The following ABL1 variants were observed in gnomAD, a reference collection of about 807,000 sequenced individuals.
ABL1 encodes the protein ABL proto-oncogene 1, non-receptor tyrosine kinase.
Under a neutral mutation model 94.7 loss-of-function variants are expected in ABL1, and 11 were observed. That is an observed-to-expected ratio of 0.12 (90% CI 0.07 to 0.19). The LOEUF (loss-of-function observed/expected upper bound fraction) is 0.19. Among genes scored for constraint, ABL1 ranks in the 10% least tolerant of loss-of-function variants. The pLI, the probability that ABL1 is intolerant of heterozygous loss-of-function variation, is 1.00. For missense variants in ABL1, 1,082 were observed against 1,489.4 expected, an observed-to-expected ratio of 0.73 and a Z score of 4.50; for synonymous variants, 656 against 622.4, an observed-to-expected ratio of 1.05 and a Z score of -0.80.
At chr9:130,816,698 G>A (rs898953849) in intron 1 of ABL1, among the ~76,000 whole-genome samples, 1 of 151,998 alleles carries the variant, frequency 6.6e-6, no homozygotes, top group African/African-American at 2.4e-5. Context: ...GGGGTAGCTG[G>A]TCCCAAGTAA....
In ABL1 at chr9:130,855,046, T is replaced by C; in HGVS notation, c.499T>C (p.Tyr167His). The C allele has an allele frequency of 1.9e-6, 3 of 1,614,146 alleles. No individual in the cohort carries two copies. In the South Asian group the frequency reaches 3.3e-5, roughly 18 times the overall value. The change falls in exon 3 of 11, where the codon TAC becomes CAC. Residue 167 changes from tyrosine to histidine, a missense_variant. Tyr to His is a moderately conservative substitution (Grantham distance 83). Coordinates refer to ENST00000318560, the MANE Select transcript of ABL1 (RefSeq NM_005157.6). ...TGGCCAGAGGTCCATCTCGCTGAGA[T>C]ACGAAGGGAGGGTGTACCATTACAG... The part of the protein sequence containing the change: ...SPGQRSISLR[Y>H]EGRVYHYRIN...
At chr9:130,713,566 A>G (rs1418987312) in exon 1 of ABL1, among the ~76,000 whole-genome samples, 1 of 152,188 alleles carries the variant, frequency 6.6e-6, no homozygotes, top group Non-Finnish European at 1.5e-5. Flanking sequence ...CTTGCTGTCA[A>G]GGGGTCTCCC....
chr9:130,864,115 G>A (rs370829031), intron 4 of ABL1, among the ~76,000 whole-genome samples: 4 of 152,304 alleles, frequency 2.6e-5, no homozygotes, highest in African/African-American at 9.6e-5. Flanking sequence ...ACATTCTTTA[G>A]TCCTAGAAAC....
chr9:130,777,319 T>C (rs1055769596), intron 1 of ABL1, among the ~76,000 whole-genome samples: 53 of 152,256 alleles, frequency 3.5e-4, no homozygotes, highest in African/African-American at 1.3e-3. Flanking sequence ...GGGTTGTCCA[T>C]TGGCTGGTTT....
intron 1 of ABL1, among the ~76,000 whole-genome samples, chr9:130,757,699 C>T (rs554921900): frequency 2.4e-4 from 37 of 151,798 alleles, no homozygotes; most frequent in Admixed American, 1.0e-3. Flanking sequence ...CCACCACGCC[C>T]GGCTAATTTT....
intron 1 of ABL1, among the ~76,000 whole-genome samples, chr9:130,795,438 G>A (rs1307027092): frequency 6.6e-6 from 1 of 152,154 alleles, no homozygotes; most frequent in Admixed American, 6.5e-5. Flanking sequence ...GTGCTCGCAC[G>A]ACAGATTAGA....
intron 1 of ABL1, among the ~76,000 whole-genome samples, chr9:130,725,319 A>G (rs1026167947): frequency 6.6e-6 from 1 of 152,128 alleles, no homozygotes; most frequent in Non-Finnish European, 1.5e-5. Context: ...ACTTCATATA[A>G]CTATAATAAT....
Position 130,884,587 on chromosome 9 carries a change from G to A in ABL1, c.2297G>A (p.Arg766Lys). 4 of 1,613,388 alleles carry A rather than the reference G, an allele frequency of 2.5e-6. No homozygotes were observed. The highest frequency in any genetic ancestry group is 3.4e-6 in the Non-Finnish European group (4 of 1,180,026). ...KSEKPALPRK[R>K]AGENRSDQVT... ...GAGAAGCCGGCTCTGCCTCGGAAGA[G>A]GGCAGGGGAGAACAGGTCTGACCAG... Residue 766 changes from arginine (R) to lysine (K), a missense_variant, in exon 11 of 11, where the codon AGG becomes AAG. Physicochemically the swap from Arg to Lys is conservative, Grantham distance 26. This residue lies in a region of ABL1 where 780 missense variants were observed against 835.8 expected (regional missense o/e 0.93). Transcript: ENST00000318560. This position sits in a 1 kb window ranked among gnomAD's most constrained non-coding sequence, Gnocchi z 5.6.
chr9:130,797,376 T>C (rs1486465446), intron 1 of ABL1, among the ~76,000 whole-genome samples: 1 of 152,104 alleles, frequency 6.6e-6, no homozygotes, highest in African/African-American at 2.4e-5. Context: ...ACTTTTTGTT[T>C]GTTTTGTTTT....
chr9:130,729,962 C>T (rs1359177110), intron 1 of ABL1, among the ~76,000 whole-genome samples: 1 of 151,202 alleles, frequency 6.6e-6, no homozygotes, highest in African/African-American at 2.4e-5. Flanking sequence ...AGGCTGGTCC[C>T]GAACTCCTGA....
Position 130,814,319 on chromosome 9 carries a change from G to A in ABL1, c.137-39745G>A, listed in dbSNP as rs80122987. 0.036 allele frequency among the ~76,000 whole-genome samples: 5,443 copies of A among 151,686 alleles called. 313 individuals are homozygous for A. The highest frequency in any genetic ancestry group is 0.12 in the African/African-American group (5,113 of 41,362). On this transcript the variant is annotated intron_variant, in intron 1 of 10. Transcript: ENST00000372348. The surrounding 1 kb of genome is among the most constrained non-coding windows in gnomAD (Gnocchi z 4.4). ...AAGAAAGAAAGAAAGAAAAAGAAAAGGCCAGTCTGGAAATCAATGAAACAG... is the reference window on the plus strand; with the variant it reads ...AAGAAAGAAAGAAAGAAAAAGAAAAAGCCAGTCTGGAAATCAATGAAACAG...
At chr9:130,791,116 C>T (rs1829903586) in intron 1 of ABL1, among the ~76,000 whole-genome samples, 1 of 152,038 alleles carries the variant, frequency 6.6e-6, no homozygotes, top group Admixed American at 6.6e-5. Context: ...AACCTGTGAA[C>T]CTATAGAACA....
chr9:130,885,797 G>T lies in ABL1; in HGVS notation c.*114G>T. On this transcript the variant is annotated 3_prime_UTR_variant, in exon 11 of 11. Transcript: ENST00000318560. ...ACTAGTGAGTCAGCACCTTGGCCCA[G>T]GAGCTCTGCGCCAGGCAGAGCTGAG... 7.3e-7 allele frequency: 1 copy of T among 1,374,092 alleles called. No homozygotes were observed. The allele number at this position is 1,374,092 out of a possible 1,614,324, so 85.1% of individuals were successfully genotyped here.
At position 130,885,196 on chromosome 9, in the gene ABL1, C is replaced by A. The variant is rs762958970; in HGVS notation, c.2906C>A (p.Ala969Asp). 1.1e-5 allele frequency: 18 copies of A among 1,613,430 alleles called. No homozygotes were observed. In the South Asian group the frequency reaches 2.0e-4, roughly 18 times the overall value. ...VLPATPKPQS[A>D]KPSGTPISPA... ...CCGGCCACTCCAAAGCCACAGTCCG[C>A]CAAGCCGTCGGGGACCCCCATCAGC... Residue 969 changes from alanine (A) to aspartate (D), a missense_variant, in exon 11 of 11, where the codon GCC becomes GAC. Around this residue, in one of 7 missense-constraint regions of ABL1, gnomAD observed 780 missense variants for 835.8 expected, o/e 0.93. Transcript: ENST00000318560.
chr9:130,761,213 C>T (rs909575442), intron 1 of ABL1, among the ~76,000 whole-genome samples: 18 of 152,150 alleles, frequency 1.2e-4, no homozygotes, highest in African/African-American at 3.9e-4. Flanking sequence ...GTGATCCACC[C>T]GCCTTGGCCT....
At chr9:130,843,677 G>A (rs140206971) in intron 1 of ABL1, among the ~76,000 whole-genome samples, 26 of 152,210 alleles carry the variant, frequency 1.7e-4, no homozygotes, top group Non-Finnish European at 2.2e-4. Context: ...AGGAAGGACC[G>A]GTTAGAGAAG....
intron 1 of ABL1, among the ~76,000 whole-genome samples, chr9:130,718,056 G>A (rs1409912889): frequency 1.3e-5 from 2 of 150,742 alleles, no homozygotes; most frequent in Non-Finnish European, 1.5e-5. Context: ...GGTGGCTCAC[G>A]CCTGTAATCC....
intron 1 of ABL1, among the ~76,000 whole-genome samples, chr9:130,780,371 A>G (rs1426760808): frequency 1.3e-5 from 2 of 152,190 alleles, no homozygotes; most frequent in Non-Finnish European, 2.9e-5. Context: ...TGTTTTAGGA[A>G]GAAGCCATAC....
At chr9:130,735,195 A>T (rs1831718963) in intron 1 of ABL1, among the ~76,000 whole-genome samples, 1 of 151,988 alleles carries the variant, frequency 6.6e-6, no homozygotes, top group East Asian at 1.9e-4. Context: ...ACATCTGGCT[A>T]ATTTTTGTAT....
Sources: gnomAD v4.1 joint callset for allele counts (sites outside exome capture counted in the v4.1 genomes callset) on GRCh38, gnomAD v4.1.1 for gene constraint, gnomAD v4.1.1 regional missense constraint, Gnocchi (gnomAD v3.1) non-coding constraint, MANE v1.5 for transcripts, NCBI Gene and HGNC (gene_info 2026-07-23, HGNC 2026-07-21) for gene names.